The following ZMYM5 variants were observed in gnomAD, a reference collection of about 807,000 sequenced individuals.
ZMYM5 encodes the protein zinc finger MYM-type protein 5.
In ZMYM5, 41 loss-of-function variants were observed where a neutral mutation model predicts 61.8. The ratio of observed to expected loss-of-function variants is 0.66; its 90% CI spans 0.52 to 0.86. The LOEUF (loss-of-function observed/expected upper bound fraction) is 0.86, where lower values mean the gene tolerates loss of function less well. Among genes scored for constraint, ZMYM5 ranks in the 40% least tolerant of loss-of-function variants. The pLI is 0.00. For synonymous variants in ZMYM5, 257 were observed against 276.4 expected (o/e 0.93, Z 0.70); for missense variants, 706 against 786.7 (o/e 0.90, Z 1.23).
In ZMYM5 at chr13:19,824,567, A is replaced by C; in HGVS notation, c.1920T>G (p.Ser640=). 1.5e-6 allele frequency: 2 copies of C among 1,316,872 alleles called. No individual in the cohort carries two copies. 81.6% of individuals were successfully genotyped at this position (1,316,872 alleles called of 1,614,324 possible). A position where few individuals can be genotyped will look rare whatever the true frequency, so the allele number is the denominator to read the frequency against. ...CAATAGCTTTATTTTTTTTCAGATC[A>C]GATTTTAATTTTGAGTACTTAACAC... ...NNSVKYSKLK[S]DLKKNKAIDA... The change falls in exon 8 of 8, where the codon TCT becomes TCG. Residue 640 remains serine, a synonymous_variant. Transcript: ENST00000337963.
intron 1 of ZMYM5, among the ~76,000 whole-genome samples, chr13:19,863,202 C>T (rs1380681319): frequency 6.6e-6 from 1 of 150,414 alleles, no homozygotes; most frequent in Non-Finnish European, 1.5e-5. Context: ...CGCCCCGCCA[C>T]CCCGCCTCCC....
intron 7 of ZMYM5, among the ~76,000 whole-genome samples, chr13:19,825,483 T>C (rs1461073190): frequency 6.6e-6 from 1 of 151,316 alleles, no homozygotes; most frequent in African/African-American, 2.4e-5. Context: ...CTGTCTCTAC[T>C]AAAAATACAA....
chr13:19,851,537 T>TTC, intron 3 of ZMYM5, 89 bp from the exon 4 acceptor site: 1 of 1,562,730 alleles, frequency 6.4e-7, no homozygotes, highest in Non-Finnish European at 8.8e-7. Context: ...CAAGTTGGTA[T>TTC]TCTATAGTGA....
chr13:19,833,443 G>A (rs1396855136), intron 7 of ZMYM5, among the ~76,000 whole-genome samples: 3 of 152,092 alleles, frequency 2.0e-5, no homozygotes, highest in Admixed American at 6.6e-5. Flanking sequence ...AATCTACTAT[G>A]TGGTTCTATT....
intron 7 of ZMYM5, among the ~76,000 whole-genome samples, chr13:19,827,336 T>A (rs933812275): frequency 1.3e-5 from 2 of 152,216 alleles, no homozygotes; most frequent in African/African-American, 4.8e-5. Flanking sequence ...GTATACATAA[T>A]ACTTTGTTCA....
intron 2 of ZMYM5, among the ~76,000 whole-genome samples, chr13:19,861,714 G>GA (rs985790491): frequency 9.3e-5 from 14 of 149,936 alleles, no homozygotes; most frequent in South Asian, 4.2e-4. Flanking sequence ...GCTTGTTAAA[G>GA]AAAAAAAAAT....
intron 1 of ZMYM5, among the ~76,000 whole-genome samples, chr13:19,863,164 C>A (rs1261637868): frequency 3.3e-5 from 5 of 151,702 alleles, no homozygotes; most frequent in Non-Finnish European, 4.4e-5. Flanking sequence ...GAAAAATGCC[C>A]CGCGACCTCC....
At chr13:19,859,132 C>T (rs1032207996) in intron 2 of ZMYM5, among the ~76,000 whole-genome samples, 1 of 146,326 alleles carries the variant, frequency 6.8e-6, no homozygotes, top group African/African-American at 2.5e-5. Flanking sequence ...AACTCCATCT[C>T]AAAAAAAAAA....
intron 2 of ZMYM5, among the ~76,000 whole-genome samples, chr13:19,857,754 C>G (rs1407979758): frequency 6.6e-6 from 1 of 152,080 alleles, no homozygotes; most frequent in Non-Finnish European, 1.5e-5. Context: ...TGGCTCATGC[C>G]TATAATCTGA....
intron 7 of ZMYM5, among the ~76,000 whole-genome samples, chr13:19,830,384 T>C (rs1305354821): frequency 6.6e-6 from 1 of 152,156 alleles, no homozygotes; most frequent in Non-Finnish European, 1.5e-5. Flanking sequence ...AATTAATTTA[T>C]TATTTTTTGA....
intron 7 of ZMYM5, among the ~76,000 whole-genome samples, chr13:19,833,989 TTTTTGA>T (rs1350128869): frequency 6.6e-6 from 1 of 152,180 alleles, no homozygotes; most frequent in Non-Finnish European, 1.5e-5. Flanking sequence ...CTTTTTCTTT[TTTTTGA>T]GACAGAGCGT....
At chr13:19,859,774 T>C (rs1593926905) in intron 2 of ZMYM5, among the ~76,000 whole-genome samples, 2 of 151,960 alleles carry the variant, frequency 1.3e-5, no homozygotes, top group Non-Finnish European at 2.9e-5. Flanking sequence ...ACACCTACTA[T>C]GTACCCACAA....
At chr13:19,859,461 G>A (rs1953643105) in intron 2 of ZMYM5, among the ~76,000 whole-genome samples, 1 of 152,080 alleles carries the variant, frequency 6.6e-6, no homozygotes, top group Non-Finnish European at 1.5e-5. Context: ...GGAGTGCAGT[G>A]GCGCGATCTT....
chr13:19,828,744 G>A (rs1891053737), intron 7 of ZMYM5, among the ~76,000 whole-genome samples: 1 of 152,132 alleles, frequency 6.6e-6, no homozygotes, highest in Non-Finnish European at 1.5e-5. Flanking sequence ...GTAATTGATT[G>A]GCTCTAGGGG....
At chr13:19,862,270 C>A (rs1487327403) in intron 2 of ZMYM5, 129 bp downstream of exon 2, 3 of 151,882 alleles carry the variant, frequency 2.0e-5, no homozygotes, top group Non-Finnish European at 4.4e-5. Context: ...GACAGGGGCA[C>A]CCAAGCAATT....
At chr13:19,829,266 AT>A (rs1345048908) in intron 7 of ZMYM5, among the ~76,000 whole-genome samples, 2 of 152,014 alleles carry the variant, frequency 1.3e-5, no homozygotes, top group Non-Finnish European at 2.9e-5. Context: ...AAATAAAACA[AT>A]TTTTTAAATA....
intron 4 of ZMYM5, among the ~76,000 whole-genome samples, chr13:19,840,994 C>CTTT (rs377117105): frequency 3.7e-5 from 5 of 136,740 alleles, no homozygotes; most frequent in Admixed American, 1.5e-4. Context: ...CCACTTTTTA[C>CTTT]TTTTTTTTTT....
chr13:19,823,630 C>T lies in ZMYM5; in HGVS notation c.*847G>A, dbSNP rs145040605. ...TAAAATGGAAATTAACCATCATTAA[C>T]ATAACAAATAATGCTGTTTTGCTCA... is the stretch of plus-strand genomic sequence containing the variant. On this transcript the variant is annotated 3_prime_UTR_variant, in exon 8 of 8. Transcript: ENST00000337963. The T allele has an allele frequency of 6.6e-6, 1 of 152,000 alleles. No homozygotes were observed. The highest frequency in any genetic ancestry group is 2.4e-5 in the African/African-American group (1 of 41,484). The allele number at this position is 152,000 out of a possible 1,614,324, so 9.4% of individuals were successfully genotyped here. A position where few individuals can be genotyped will look rare whatever the true frequency, so the allele number is the denominator to read the frequency against.
intron 7 of ZMYM5, among the ~76,000 whole-genome samples, chr13:19,828,018 C>CAAAAAAAAAAAAAAAAAAAAAAAAAAAAT (rs66670324): frequency 1.5e-5 from 1 of 65,872 alleles, no homozygotes. Flanking sequence ...GACTCCATCT[C>CAAAAAAAAAAAAAAAAAAAAAAAAAAAAT]AAAAAAAAAA....
Sources: allele counts gnomAD v4.1 joint callset (sites outside exome capture counted in the v4.1 genomes callset), GRCh38; gene constraint gnomAD v4.1.1; transcripts MANE v1.5; gene names NCBI Gene and HGNC (gene_info 2026-07-23, HGNC 2026-07-21).